The following TMCO1 variants were observed in gnomAD, a reference collection of about 807,000 sequenced individuals.
The protein encoded by TMCO1 is calcium load-activated calcium channel.
Under a neutral mutation model 29.3 loss-of-function variants are expected in TMCO1, and 29 were observed. That is an observed-to-expected ratio of 0.99 (90% CI 0.74 to 1.35). TMCO1 has a LOEUF of 1.35. Ranked by LOEUF, TMCO1 falls within the 40% of genes most tolerant of loss-of-function variation. The pLI, the probability that TMCO1 is intolerant of heterozygous loss-of-function variation, is 0.00. For synonymous variants in TMCO1, 80 were observed against 77.1 expected (o/e 1.04, Z -0.20); for missense variants, 173 against 225.5 (o/e 0.77, Z 1.49).
In TMCO1 at chr1:165,727,591, T is replaced by A; in HGVS notation, c.*432A>T. The A allele has an allele frequency of 2.2e-6, 1 of 452,916 alleles. No homozygotes were observed. The highest frequency in any genetic ancestry group is 1.6e-5 in the South Asian group (1 of 64,382). The allele number at this position is 452,916 out of a possible 1,614,324, so 28.1% of individuals were successfully genotyped here. The stretch of plus-strand genomic sequence containing the variant: ...CTCTTTATTGATCTTATGTCATGTA[T>A]TTGGCTTGAAAAAAAAACAACAACA... On this transcript the variant is annotated 3_prime_UTR_variant, in exon 7 of 7. Coordinates refer to ENST00000367881, the MANE Select transcript of TMCO1 (RefSeq NM_019026.6).
intron 2 of TMCO1, 64 bp downstream of exon 2, chr1:165,768,128 T>C (rs917288497): frequency 6.7e-6 from 9 of 1,334,948 alleles, no homozygotes; most frequent in Non-Finnish European, 9.7e-6. Flanking sequence ...AAAATATTTA[T>C]TGTGAACATG....
rs1276856631 is a variant in TMCO1 at position 165,727,705 on chromosome 1, G to A, written c.*318C>T. ...ACAGCCAACTTGCAGGGCATACACAGTGCCTTGAGAGTCGGTCCCACAGAA... is the reference window on the plus strand; with the variant it reads ...ACAGCCAACTTGCAGGGCATACACAATGCCTTGAGAGTCGGTCCCACAGAA... On this transcript the variant is annotated 3_prime_UTR_variant, in exon 7 of 7. Coordinates refer to ENST00000367881, the MANE Select transcript of TMCO1 (RefSeq NM_019026.6). 1 of 454,822 alleles carries A rather than the reference G, an allele frequency of 2.2e-6. No individual in the cohort carries two copies. Among genetic ancestry groups the A allele is most frequent in the Non-Finnish European group, 4.4e-6 (1 of 227,520 alleles). 28.2% of individuals were successfully genotyped at this position (454,822 alleles called of 1,614,324 possible).
chr1:165,739,011 A>G (rs898228792), intron 6 of TMCO1, among the ~76,000 whole-genome samples: 1 of 152,168 alleles, frequency 6.6e-6, no homozygotes, highest in Non-Finnish European at 1.5e-5. Flanking sequence ...CTCACTAGAC[A>G]CTGAATTTGC....
intron 4 of TMCO1, among the ~76,000 whole-genome samples, chr1:165,753,688 G>A (rs1652081801): frequency 6.6e-6 from 1 of 151,976 alleles, no homozygotes; most frequent in Non-Finnish European, 1.5e-5. Context: ...GTGTACTCCT[G>A]TAGTCCCAGC....
rs1246414927 is a variant in TMCO1, at chr1:165,727,461, T to G, written c.*562A>C. 2.2e-6 allele frequency: 1 copy of G among 454,000 alleles called. No individual in the cohort carries two copies. Among genetic ancestry groups the G allele is most frequent in the South Asian group, 1.6e-5 (1 of 64,464 alleles). 28.1% of individuals were successfully genotyped at this position (454,000 alleles called of 1,614,324 possible). A position where few individuals can be genotyped will look rare whatever the true frequency, so the allele number is the denominator to read the frequency against. Reference sequence around the variant, plus strand: ...CAAAAAGTACAGTACCTTAAAAACTTTTATTTTAGTCCTTCCTGGCCCATG... The same window carrying G: ...CAAAAAGTACAGTACCTTAAAAACTGTTATTTTAGTCCTTCCTGGCCCATG... On this transcript the variant is annotated 3_prime_UTR_variant, in exon 7 of 7. Transcript: ENST00000367881.
At chr1:165,736,927 T>C (rs1322047416) in intron 6 of TMCO1, among the ~76,000 whole-genome samples, 1 of 152,108 alleles carries the variant, frequency 6.6e-6, no homozygotes, top group Non-Finnish European at 1.5e-5. Flanking sequence ...TAAGTCCCCA[T>C]AACCCAGCAG....
rs751227407 is a variant in TMCO1, at chr1:165,743,318, GAA to G, written c.324-9_324-8del. ...CACCACTCTACCATCAAATCTAAAA[GAA>G]AAAAAAAAAAAAAGAATTGTTATCT... On this transcript the variant is annotated splice_region_variant and splice_polypyrimidine_tract_variant and intron_variant, in intron 5 of 6. Transcript: ENST00000367881. 1,966 of 1,325,004 alleles carry G rather than the reference GAA, an allele frequency of 1.5e-3. No homozygotes were observed. The highest frequency in any genetic ancestry group is 2.8e-3 in the Admixed American group (131 of 46,012). 82.1% of individuals were successfully genotyped at this position (1,325,004 alleles called of 1,614,324 possible). A position where few individuals can be genotyped will look rare whatever the true frequency, so the allele number is the denominator to read the frequency against.
chr1:165,752,687 G>A (rs928840266), intron 4 of TMCO1, among the ~76,000 whole-genome samples: 20 of 151,436 alleles, frequency 1.3e-4, no homozygotes, highest in Non-Finnish European at 1.8e-4. Flanking sequence ...CCAGCTACTC[G>A]GGAGGCTGAG....
At chr1:165,764,038 A>C (rs1261382284) in intron 2 of TMCO1, among the ~76,000 whole-genome samples, 1 of 152,232 alleles carries the variant, frequency 6.6e-6, no homozygotes, top group Non-Finnish European at 1.5e-5. Flanking sequence ...GAAGCTCAAA[A>C]TCTATAAGGC....
intron 2 of TMCO1, among the ~76,000 whole-genome samples, chr1:165,763,099 C>T (rs1016470256): frequency 3.4e-4 from 51 of 152,232 alleles, no homozygotes; most frequent in African/African-American, 1.2e-3. Flanking sequence ...AGGACCAGAT[C>T]AGCACAAGCA....
chr1:165,727,802 A>G lies in TMCO1; in HGVS notation c.*221T>C. 1 of 494,596 alleles carries G rather than the reference A, an allele frequency of 2.0e-6. No homozygotes were observed. The highest frequency in any genetic ancestry group is 2.3e-5 in the Admixed American group (1 of 43,534). 30.6% of individuals were successfully genotyped at this position (494,596 alleles called of 1,614,324 possible). On this transcript the variant is annotated 3_prime_UTR_variant, in exon 7 of 7. Coordinates refer to ENST00000367881, the MANE Select transcript of TMCO1 (RefSeq NM_019026.6). Reference sequence around the variant, plus strand: ...ACATAAACATTACCTGAACTTAACTAATCAATCCACTTATTTGATAAAAAT... The same window carrying G: ...ACATAAACATTACCTGAACTTAACTGATCAATCCACTTATTTGATAAAAAT...
intron 5 of TMCO1, among the ~76,000 whole-genome samples, chr1:165,750,462 A>G (rs1651952417): frequency 6.7e-6 from 1 of 150,142 alleles, no homozygotes; most frequent in South Asian, 2.1e-4. Flanking sequence ...AATGGCTTCA[A>G]CCCAAGAGGC....
At chr1:165,749,534 C>T (rs1212301642) in intron 5 of TMCO1, among the ~76,000 whole-genome samples, 1 of 152,192 alleles carries the variant, frequency 6.6e-6, no homozygotes, top group Non-Finnish European at 1.5e-5. Context: ...TGCAGTGGCT[C>T]ATGCCTGTAA....
At chr1:165,734,531 T>C (rs544248390) in intron 6 of TMCO1, among the ~76,000 whole-genome samples, 1 of 152,230 alleles carries the variant, frequency 6.6e-6, no homozygotes, top group South Asian at 2.1e-4. Context: ...TGAGACGGAG[T>C]CTTACTCTGT....
chr1:165,726,205 T>C (rs185541893), downstream of TMCO1: 2,875 of 699,410 alleles, frequency 4.1e-3, 19 homozygotes, highest in Middle Eastern at 9.5e-3. Context: ...GTCAATGATA[T>C]GGAGAAAAGA....
intron 6 of TMCO1, among the ~76,000 whole-genome samples, chr1:165,730,255 G>A (rs1401139080): frequency 6.6e-6 from 1 of 151,792 alleles, no homozygotes; most frequent in Non-Finnish European, 1.5e-5. Context: ...AGAATGGCAC[G>A]AACCCCAGGG....
chr1:165,735,224 C>T (rs1452976526), intron 6 of TMCO1, among the ~76,000 whole-genome samples: 2 of 152,132 alleles, frequency 1.3e-5, no homozygotes, highest in Non-Finnish European at 2.9e-5. Context: ...TCTTTTAGCT[C>T]CTTCTTTGAG....
rs148156614 is a variant in TMCO1, at chr1:165,734,490, T to C, written c.469-6369A>G. On this transcript the variant is annotated intron_variant, in intron 6 of 6. Transcript: ENST00000367881. ...CTCTTTTATTTTTTAATTTTTAAAA[T>C]AAATTTCTATTCTTTTTTATTTTTA... is the stretch of plus-strand genomic sequence containing the variant. Among the ~76,000 whole-genome samples the C allele has an allele frequency of 3.2e-3, 493 of 152,224 alleles. 3 individuals are homozygous for C. Among genetic ancestry groups the C allele is most frequent in the African/African-American group, 0.012 (478 of 41,540 alleles).
In TMCO1 at chr1:165,746,176, G is replaced by A. The variant is rs567213608; in HGVS notation, c.324-2865C>T. On this transcript the variant is annotated intron_variant, in intron 5 of 6. Coordinates refer to ENST00000367881, the MANE Select transcript of TMCO1 (RefSeq NM_019026.6). ...ATAAGAAAATTAGCCAGGCATGGTG[G>A]TGCATGCCTGTAGTCCCAGCTACTT... Among the ~76,000 whole-genome samples, 3 of 152,026 alleles carry A rather than the reference G, an allele frequency of 2.0e-5. No homozygotes were observed. In the East Asian group the frequency reaches 5.8e-4, roughly 29 times the overall value.
Sources: gnomAD v4.1 joint callset for allele counts (sites outside exome capture counted in the v4.1 genomes callset) on GRCh38, gnomAD v4.1.1 for gene constraint, MANE v1.5 for transcripts, NCBI Gene and HGNC (gene_info 2026-07-23, HGNC 2026-07-21) for gene names.